FHIT: variants seen among roughly 807,000 people sequenced by gnomAD.
FHIT encodes bis(5'-adenosyl)-triphosphatase.
FHIT carries 19 observed loss-of-function variants against 17.9 expected under a neutral mutation model. That is an observed-to-expected ratio of 1.06 (90% CI 0.74 to 1.56). The LOEUF (loss-of-function observed/expected upper bound fraction) is 1.56. Among genes scored for constraint, FHIT ranks in the 40% most tolerant of loss-of-function variants. The pLI is 0.00. For synonymous variants in FHIT, 81 were observed against 69.7 expected (o/e 1.16, Z -0.81); for missense variants, 248 against 189.2 (o/e 1.31, Z -1.82).
chr3:61,180,017 A>C (rs747005539), intron 2 of FHIT, among the ~76,000 whole-genome samples: 1 of 152,194 alleles, frequency 6.6e-6, no homozygotes, highest in African/African-American at 2.4e-5. Flanking sequence ...CAGTTTGCTA[A>C]CTAGACCAAG....
chr3:60,718,265 T>C (rs968948698), intron 4 of FHIT, among the ~76,000 whole-genome samples: 1 of 152,236 alleles, frequency 6.6e-6, no homozygotes, highest in East Asian at 1.9e-4. Context: ...AGTTTCATGT[T>C]ATGCACTTAA....
intron 4 of FHIT, among the ~76,000 whole-genome samples, chr3:60,570,745 A>AAAAC (rs1247961889): frequency 6.6e-6 from 1 of 150,828 alleles, no homozygotes; most frequent in African/African-American, 2.4e-5. Flanking sequence ...ATTAAAAAAA[A>AAAAC]AAAAAAAAAA....
At chr3:60,669,266 T>C (rs529966254) in intron 4 of FHIT, among the ~76,000 whole-genome samples, 1 of 152,312 alleles carries the variant, frequency 6.6e-6, no homozygotes, top group African/African-American at 2.4e-5. Flanking sequence ...TAAGTGTTCA[T>C]CCTTGCAAAT....
chr3:60,260,320 C>T (rs1576383586), intron 5 of FHIT, among the ~76,000 whole-genome samples: 1 of 150,600 alleles, frequency 6.6e-6, no homozygotes, highest in African/African-American at 2.4e-5. Context: ...TGGATTCCTG[C>T]CACTGCAGGA....
intron 8 of FHIT, among the ~76,000 whole-genome samples, chr3:59,870,046 T>A (rs769216887): frequency 6.6e-6 from 1 of 152,164 alleles, no homozygotes; most frequent in Non-Finnish European, 1.5e-5. Context: ...ATCTCCATTG[T>A]ATAGCTGGGG....
chr3:60,528,745 T>C (rs1261112113), intron 5 of FHIT, among the ~76,000 whole-genome samples: 3 of 152,194 alleles, frequency 2.0e-5, no homozygotes, highest in African/African-American at 7.2e-5. Context: ...ATTCCTGTTA[T>C]TACAATATTG....
intron 7 of FHIT, among the ~76,000 whole-genome samples, chr3:59,999,916 T>A (rs959109439): frequency 6.6e-6 from 1 of 152,138 alleles, no homozygotes. Flanking sequence ...CCAGATCACC[T>A]AATTTAAATG....
At chr3:60,637,570 G>A (rs1305533474) in intron 4 of FHIT, among the ~76,000 whole-genome samples, 1 of 152,062 alleles carries the variant, frequency 6.6e-6, no homozygotes, top group Non-Finnish European at 1.5e-5. Context: ...AATTACTATT[G>A]TCACCATCAT....
chr3:61,129,012 G>A (rs2036691396), intron 2 of FHIT, among the ~76,000 whole-genome samples: 1 of 152,152 alleles, frequency 6.6e-6, no homozygotes, highest in Non-Finnish European at 1.5e-5. Flanking sequence ...GGGCAAGCAA[G>A]GCATTACTGA....
intron 5 of FHIT, among the ~76,000 whole-genome samples, chr3:60,199,713 C>A (rs1395620343): frequency 2.0e-5 from 3 of 152,022 alleles, no homozygotes; most frequent in Non-Finnish European, 4.4e-5. Context: ...CATTCAAGGT[C>A]AATGATAAGA....
At chr3:60,866,774 A>G (rs1456037519) in intron 3 of FHIT, among the ~76,000 whole-genome samples, 1 of 152,168 alleles carries the variant, frequency 6.6e-6, no homozygotes, top group Non-Finnish European at 1.5e-5. Context: ...CTCTCTCACA[A>G]TTATCAGGAG....
At chr3:59,872,576 CAG>C (rs778055879) in intron 8 of FHIT, among the ~76,000 whole-genome samples, 57 of 152,120 alleles carry the variant, frequency 3.7e-4, no homozygotes, top group Non-Finnish European at 7.2e-4. Flanking sequence ...AGGCCAAATG[CAG>C]AGTTTTCCAC....
chr3:61,038,989 T>A (rs2033380242), intron 3 of FHIT, among the ~76,000 whole-genome samples: 1 of 152,172 alleles, frequency 6.6e-6, no homozygotes, highest in African/African-American at 2.4e-5. Context: ...ATGTGTTAGA[T>A]AATATGGAAA....
intron 4 of FHIT, among the ~76,000 whole-genome samples, chr3:60,749,586 A>G (rs1028705593): frequency 6.6e-6 from 1 of 152,216 alleles, no homozygotes; most frequent in African/African-American, 2.4e-5. Flanking sequence ...CAGAGAGATC[A>G]TTGTCACCAC....
intron 5 of FHIT, among the ~76,000 whole-genome samples, chr3:60,099,663 A>C (rs916091547): frequency 6.6e-6 from 1 of 152,180 alleles, no homozygotes; most frequent in African/African-American, 2.4e-5. Context: ...CGACATATTT[A>C]CATACTTTTT....
At chr3:60,341,929 C>A (rs1177373039) in intron 5 of FHIT, among the ~76,000 whole-genome samples, 2 of 151,936 alleles carry the variant, frequency 1.3e-5, no homozygotes, top group South Asian at 4.2e-4. Context: ...TGTCACATGA[C>A]CAGCGAGGAT....
intron 8 of FHIT, among the ~76,000 whole-genome samples, chr3:59,803,476 T>C (rs987463058): frequency 6.6e-6 from 1 of 152,202 alleles, no homozygotes; most frequent in Non-Finnish European, 1.5e-5. Context: ...CGAATGTGAT[T>C]TGGCGGCAGC....
At chr3:61,070,661 T>C (rs1204448013) in intron 2 of FHIT, among the ~76,000 whole-genome samples, 2 of 152,212 alleles carry the variant, frequency 1.3e-5, no homozygotes, top group Non-Finnish European at 2.9e-5. Flanking sequence ...AAACAACAAT[T>C]TCTAATTGCC....
At chr3:60,498,763 ACC>A (rs2034405101) in intron 5 of FHIT, among the ~76,000 whole-genome samples, 8 of 152,168 alleles carry the variant, frequency 5.3e-5, no homozygotes, top group Admixed American at 2.0e-4. Flanking sequence ...TGATTCTAGG[ACC>A]TGTGAAATAA....
Sources: allele counts gnomAD v4.1 joint callset (sites outside exome capture counted in the v4.1 genomes callset), GRCh38; gene constraint gnomAD v4.1.1; transcripts MANE v1.5; gene names NCBI Gene and HGNC (gene_info 2026-07-23, HGNC 2026-07-21).